The following ETFB variants were observed in gnomAD, a reference collection of about 807,000 sequenced individuals.
The protein encoded by ETFB is electron transfer flavoprotein subunit beta.
ETFB carries 20 observed loss-of-function variants against 25.6 expected under a neutral mutation model. That is an observed-to-expected ratio of 0.78 (90% CI 0.55 to 1.14). ETFB has a LOEUF of 1.14. Ranked by LOEUF, ETFB falls within the 50% of genes most tolerant of loss-of-function variation. The pLI is 0.00. For missense variants in ETFB, 286 were observed against 342.6 expected (o/e 0.83, Z 1.30); for synonymous variants, 142 against 146.7 (o/e 0.97, Z 0.23).
intron 1 of ETFB, among the ~76,000 whole-genome samples, chr19:51,360,958 T>C (rs1046366306): frequency 1.3e-5 from 2 of 151,462 alleles, no homozygotes; most frequent in African/African-American, 2.4e-5. Context: ...GCTAATTTTT[T>C]GTATTTTTAG....
Position 51,366,380 on chromosome 19 carries a change from A to G in ETFB, c.-54T>C. ...GCCCGCACCCTCAGCGGCTCAGTCC[A>G]GAAGCCCCACCACCCCCGCCCCCCG... On this transcript the variant is annotated 5_prime_UTR_variant, in exon 1 of 6. Coordinates refer to ENST00000309244, the MANE Select transcript of ETFB (RefSeq NM_001985.3). 2.6e-6 allele frequency: 4 copies of G among 1,560,950 alleles called. No individual in the cohort carries two copies. Among genetic ancestry groups the G allele is most frequent in the Non-Finnish European group, 3.5e-6 (4 of 1,145,918 alleles).
intron 1 of ETFB, among the ~76,000 whole-genome samples, chr19:51,357,388 T>A (rs1384729766): frequency 6.6e-6 from 1 of 150,812 alleles, no homozygotes; most frequent in Non-Finnish European, 1.5e-5. Flanking sequence ...AAGACCCTGT[T>A]TCTAAGTGAT....
chr19:51,361,837 T>C (rs148359087), intron 1 of ETFB: 8,776 of 151,912 alleles, frequency 0.058, 676 homozygotes, highest in African/African-American at 0.18. Context: ...CCCGAGTAGC[T>C]GGGACTACGG....
At chr19:51,354,830 C>T (rs1986037222) in intron 1 of ETFB, 1 of 617,516 alleles carries the variant, frequency 1.6e-6, no homozygotes, top group African/African-American at 1.9e-5. Flanking sequence ...AGCACAGAAG[C>T]CTTTTGTTCT....
chr19:51,363,787 T>A (rs12609464), intron 1 of ETFB, among the ~76,000 whole-genome samples: 72,652 of 151,448 alleles, frequency 0.48, 19,945 homozygotes, highest in Non-Finnish European at 0.63. Context: ...TGAGTTGGAG[T>A]TGGGCAGGAC....
In ETFB at chr19:51,354,248, G is replaced by T. The variant is rs772322071; in HGVS notation, c.118C>A (p.Pro40Thr). The T allele has an allele frequency of 5.1e-5, 83 of 1,614,060 alleles. No individual in the cohort carries two copies. Among genetic ancestry groups the T allele is most frequent in the Non-Finnish European group, 6.9e-5 (81 of 1,180,038 alleles). The change falls in exon 2 of 6, where the codon CCC becomes ACC. Residue 40 changes from proline (P) to threonine (T), a missense_variant. Pro to Thr is a conservative substitution (Grantham distance 38). Transcript: ENST00000309244. Reference protein sequence around the residue: ...VTDGVKHSMNPFCEIAVEEAV... With the variant: ...VTDGVKHSMNTFCEIAVEEAV... ...TCCTCCACCGCGATCTCACAGAAGG[G>T]GTTCATGGAGTGCTTCACACCATCC...
chr19:51,346,783 C>CTG, intron 5 of ETFB, 117 bp downstream of exon 5: 1 of 1,026,058 alleles, frequency 9.7e-7, no homozygotes, highest in Non-Finnish European at 1.4e-6. Flanking sequence ...TGACGGCTTC[C>CTG]TGTGCACGAG....
chr19:51,366,350 G>A lies in ETFB; in HGVS notation c.-24C>T. On this transcript the variant is annotated 5_prime_UTR_variant, in exon 1 of 6. Transcript: ENST00000309244. ...ATCTTCCCGCCGCAGCCACTTACAG[G>A]GTCAGCCCGCACCCTCAGCGGCTCA... is the stretch of plus-strand genomic sequence containing the variant. 1.2e-6 allele frequency: 2 copies of A among 1,611,000 alleles called. No individual in the cohort carries two copies. The highest frequency in any genetic ancestry group is 8.5e-7 in the Non-Finnish European group (1 of 1,179,258).
Position 51,345,309 on chromosome 19 carries a change from C to CAG in ETFB, c.668_669dup (p.Val224LeufsTer2). 4 of 1,614,106 alleles carry CAG rather than the reference C, an allele frequency of 2.5e-6. No homozygotes were observed. The highest frequency in any genetic ancestry group is 3.4e-6 in the Non-Finnish European group (4 of 1,180,002). ...TGGGGCGGGTCCTCCACACTGATCA[C>CAG]AGAGAGCTTGGAGGTCAGGTCCACA... On this transcript the variant is annotated frameshift_variant, in exon 6 of 6. Coordinates refer to ENST00000309244, the MANE Select transcript of ETFB (RefSeq NM_001985.3). LOFTEE classifies it high-confidence loss of function.
chr19:51,347,899 G>A (rs1248873788), intron 4 of ETFB: 1 of 152,166 alleles, frequency 6.6e-6, no homozygotes, highest in Non-Finnish European at 1.5e-5. Flanking sequence ...ACACACAAAT[G>A]AGATCATTTC....
intron 3 of ETFB, among the ~76,000 whole-genome samples, chr19:51,351,511 C>T (rs1459301463): frequency 1.3e-5 from 2 of 152,216 alleles, no homozygotes; most frequent in African/African-American, 2.4e-5. Context: ...GGCCCTGGCC[C>T]CAGGAACTGT....
chr19:51,351,223 C>A (rs1985925964), intron 3 of ETFB, among the ~76,000 whole-genome samples: 1 of 152,214 alleles, frequency 6.6e-6, no homozygotes, highest in South Asian at 2.1e-4. Context: ...AAAGAAGAGT[C>A]AGCCCTGGGA....
At chr19:51,350,185 G>C (rs1017627337) in intron 4 of ETFB, 144 bp downstream of exon 4, 3 of 886,504 alleles carry the variant, frequency 3.4e-6, no homozygotes, top group African/African-American at 3.3e-5. Flanking sequence ...AGACCTCAAG[G>C]AGGGGAACAA....
intron 5 of ETFB, 68 bp from the exon 6 acceptor site, chr19:51,345,449 C>A: frequency 6.6e-7 from 1 of 1,519,982 alleles, no homozygotes; most frequent in South Asian, 1.1e-5. Context: ...ACCTCCTTCC[C>A]ATGGGTGCCA....
chr19:51,366,200 G>A, intron 1 of ETFB, 70 bp downstream of exon 1: 3 of 1,470,498 alleles, frequency 2.0e-6, no homozygotes, highest in Non-Finnish European at 2.9e-6. Context: ...CCCCCACCCA[G>A]TGTGCGCTCG....
chr19:51,362,913 CAA>C (rs756068090), intron 1 of ETFB, among the ~76,000 whole-genome samples: 3 of 152,164 alleles, frequency 2.0e-5, no homozygotes, highest in Non-Finnish European at 2.9e-5. Flanking sequence ...CTGTGGATTA[CAA>C]AGTGTCCACA....
Position 51,349,447 on chromosome 19 carries a change from C to CTTTTTTTTTTTTTTTTTT in ETFB, c.438+881_438+882insAAAAAAAAAAAAAAAAAA, listed in dbSNP as rs11428639. Among the ~76,000 whole-genome samples, 2 of 134,228 alleles carry CTTTTTTTTTTTTTTTTTT rather than the reference C, an allele frequency of 1.5e-5. 1 individual carries two copies. The highest frequency in any genetic ancestry group is 3.1e-5 in the Non-Finnish European group (2 of 64,592). The allele number at this position is 134,228 out of a possible 152,430, so 88.1% of individuals were successfully genotyped here. ...TTAAATTTGTCTATGTGCCTTGCTT[C>CTTTTTTTTTTTTTTTTTT]TTTTTTTTTTTTTCTTTTGAGACAG... On this transcript the variant is annotated intron_variant, in intron 4 of 5. Transcript: ENST00000309244.
At chr19:51,356,027 G>C (rs1257299920) in intron 1 of ETFB, 4 of 151,294 alleles carry the variant, frequency 2.6e-5, no homozygotes, top group African/African-American at 9.7e-5. Flanking sequence ...CACCAACATG[G>C]CACATATAAA....
intron 4 of ETFB, chr19:51,347,457 A>C: frequency 4.8e-6 from 1 of 207,084 alleles, no homozygotes; most frequent in South Asian, 7.5e-5. Flanking sequence ...GCTGAGTTAC[A>C]CGCCCACTGC....
Sources: allele counts gnomAD v4.1 joint callset (sites outside exome capture counted in the v4.1 genomes callset), GRCh38; gene constraint gnomAD v4.1.1; transcripts MANE v1.5; gene names NCBI Gene and HGNC (gene_info 2026-07-23, HGNC 2026-07-21).